TMEM53: variants seen among roughly 807,000 people sequenced by gnomAD.
TMEM53 encodes the protein transmembrane protein 53, also known as novel DUF829 domain-containing protein.
In TMEM53, 14 loss-of-function variants were observed where a neutral mutation model predicts 21.4. The ratio of observed to expected loss-of-function variants is 0.65; its 90% CI spans 0.43 to 1.02. The LOEUF (loss-of-function observed/expected upper bound fraction) is 1.02, where lower values mean the gene tolerates loss of function less well. TMEM53 is among the 50% of genes least tolerant of loss of function. The pLI, the probability that TMEM53 is intolerant of heterozygous loss-of-function variation, is 0.00. For synonymous variants in TMEM53, 148 were observed against 157.4 expected (o/e 0.94, Z 0.45); for missense variants, 323 against 383.6 (o/e 0.84, Z 1.32).
chr1:44,671,229 G>T (rs570287852), intron 1 of TMEM53, among the ~76,000 whole-genome samples: 1 of 152,342 alleles, frequency 6.6e-6, no homozygotes, highest in East Asian at 1.9e-4. Flanking sequence ...TGGGTCAAAC[G>T]ACCGGCTTTA....
intron 2 of TMEM53, among the ~76,000 whole-genome samples, chr1:44,658,026 G>C (rs952524195): frequency 6.6e-6 from 1 of 151,596 alleles, no homozygotes; most frequent in African/African-American, 2.4e-5. Flanking sequence ...CATGCCTTCT[G>C]CCCAAGTAGC....
rs375230170 is a variant in TMEM53 at position 44,674,428 on chromosome 1, G to A, written c.-37C>T. ...CGGCCCAGAGCACGGGTCTCCAGCC[G>A]GAACTCCCGCTTGCGCACCCGTGCC... On this transcript the variant is annotated 5_prime_UTR_variant, in exon 1 of 3. Coordinates refer to ENST00000372237, the MANE Select transcript of TMEM53 (RefSeq NM_024587.4). 2.8e-5 allele frequency: 45 copies of A among 1,589,292 alleles called. No homozygotes were observed. The highest frequency in any genetic ancestry group is 3.4e-4 in the Middle Eastern group (2 of 5,862).
At chr1:44,672,793 G>A (rs1645016554) in intron 1 of TMEM53, among the ~76,000 whole-genome samples, 1 of 151,754 alleles carries the variant, frequency 6.6e-6, no homozygotes, top group Non-Finnish European at 1.5e-5. Context: ...AGAAAGGGGG[G>A]CTGAGGGGGA....
chr1:44,665,516 A>G (rs1644941476), intron 1 of TMEM53, among the ~76,000 whole-genome samples: 1 of 151,996 alleles, frequency 6.6e-6, no homozygotes, highest in South Asian at 2.1e-4. Flanking sequence ...GGGGCCTGTA[A>G]TCCCAGCTAC....
intron 1 of TMEM53, among the ~76,000 whole-genome samples, chr1:44,667,209 T>A (rs924035316): frequency 6.6e-5 from 10 of 152,012 alleles, no homozygotes; most frequent in South Asian, 4.1e-4. Flanking sequence ...TTATTATTTT[T>A]AAAAATAATA....
chr1:44,674,433 TCCCGCTTGCGCA>T lies in TMEM53; in HGVS notation c.-54_-43del, dbSNP rs1013441903. 1 of 1,585,212 alleles carries T rather than the reference TCCCGCTTGCGCA, an allele frequency of 6.3e-7. No homozygotes were observed. The highest frequency in any genetic ancestry group is 8.6e-7 in the Non-Finnish European group (1 of 1,166,054). The stretch of plus-strand genomic sequence containing the variant: ...CAGAGCACGGGTCTCCAGCCGGAAC[TCCCGCTTGCGCA>T]CCCGTGCCTCACCCGGGCGCCTCCT... On this transcript the variant is annotated 5_prime_UTR_variant, in exon 1 of 3. Coordinates refer to ENST00000372237, the MANE Select transcript of TMEM53 (RefSeq NM_024587.4).
chr1:44,661,707 T>C (rs1644903908), intron 1 of TMEM53, among the ~76,000 whole-genome samples: 1 of 152,188 alleles, frequency 6.6e-6, no homozygotes, highest in African/African-American at 2.4e-5. Flanking sequence ...AAGGTACTTG[T>C]CTAAGCAAAG....
At chr1:44,669,388 AC>A (rs1200682316) in intron 1 of TMEM53, among the ~76,000 whole-genome samples, 4 of 152,082 alleles carry the variant, frequency 2.6e-5, no homozygotes, top group Non-Finnish European at 5.9e-5. Context: ...TTTAATGGAC[AC>A]CCCTTTCTTT....
At chr1:44,656,986 T>TG (rs1374043673) in intron 2 of TMEM53, among the ~76,000 whole-genome samples, 2 of 150,316 alleles carry the variant, frequency 1.3e-5, no homozygotes, top group African/African-American at 4.9e-5. Context: ...CACTCCAGCC[T>TG]GGGCGACAGA....
In TMEM53 at chr1:44,654,977, C is replaced by T. The variant is rs1444172872; in HGVS notation, c.416G>A (p.Gly139Asp). Residue 139 changes from glycine to aspartate, a missense_variant, in exon 3 of 3, where the codon GGC becomes GAC. Physicochemically the swap from Gly to Asp is moderately conservative, Grantham distance 94. Around this residue, in one of 3 missense-constraint regions of TMEM53, gnomAD observed 269 missense variants for 334.5 expected, o/e 0.80. Transcript: ENST00000372237. This position sits in a 1 kb window ranked among gnomAD's most constrained non-coding sequence, Gnocchi z 7.0. Reference protein sequence around the residue: ...TRRFCRLRVVGTIFDSAPGDS... With the variant: ...TRRFCRLRVVDTIFDSAPGDS... Reference sequence around the variant, plus strand: ...ACCAGGAGCGCTGTCAAAGATGGTGCCCACCACACGCAGGCGGCAGAAGCG... The same window carrying T: ...ACCAGGAGCGCTGTCAAAGATGGTGTCCACCACACGCAGGCGGCAGAAGCG... 6.2e-7 allele frequency: 1 copy of T among 1,613,716 alleles called. No individual in the cohort carries two copies. The highest frequency in any genetic ancestry group is 8.5e-7 in the Non-Finnish European group (1 of 1,179,844).
At chr1:44,667,234 G>A (rs1373783854) in intron 1 of TMEM53, among the ~76,000 whole-genome samples, 1 of 151,326 alleles carries the variant, frequency 6.6e-6, no homozygotes, top group Non-Finnish European at 1.5e-5. Context: ...TACATTAAGT[G>A]AAAACACAAG....
intron 1 of TMEM53, among the ~76,000 whole-genome samples, chr1:44,673,355 T>A (rs1257290401): frequency 6.6e-6 from 1 of 152,198 alleles, no homozygotes; most frequent in Non-Finnish European, 1.5e-5. Flanking sequence ...ATTAGAAAGA[T>A]CACTGTGGTA....
chr1:44,654,671 A>T lies in TMEM53; in HGVS notation c.722T>A (p.Leu241Gln). 6.2e-7 allele frequency: 1 copy of T among 1,614,176 alleles called. No homozygotes were observed. Among genetic ancestry groups the T allele is most frequent in the Non-Finnish European group, 8.5e-7 (1 of 1,180,024 alleles). The change falls in exon 3 of 3, where the codon CTG (leucine) becomes CAG (glutamine). Residue 241 changes from leucine (L) to glutamine (Q), a missense_variant. Coordinates refer to ENST00000372237, the MANE Select transcript of TMEM53 (RefSeq NM_024587.4). This position sits in a 1 kb window ranked among gnomAD's most constrained non-coding sequence, Gnocchi z 7.0. ...TGACACGAAATCCACAGAACGCGCCAGGACCCGGCGTGCCAGGCGTGCCTC... is the reference window on the plus strand; with the variant it reads ...TGACACGAAATCCACAGAACGCGCCTGGACCCGGCGTGCCAGGCGTGCCTC... ...MVEARLARRVLARSVDFVSSA... is the reference protein window; with the variant it reads ...MVEARLARRVQARSVDFVSSA...
rs1255070909 is a variant in TMEM53, at chr1:44,659,273, G to A, written c.183+901C>T. 2.0e-5 allele frequency among the ~76,000 whole-genome samples: 3 copies of A among 152,096 alleles called. No individual in the cohort carries two copies. In the South Asian group the frequency reaches 6.2e-4, roughly 32 times the overall value. ...GGCTCAGCTGGCCTTTCTCCCAGGT[G>A]CCCCCCCACTGCTCAGTCCAAGGCT... On this transcript the variant is annotated intron_variant, in intron 2 of 2. Coordinates refer to ENST00000372237, the MANE Select transcript of TMEM53 (RefSeq NM_024587.4).
At chr1:44,670,736 G>A (rs1644992604) in intron 1 of TMEM53, among the ~76,000 whole-genome samples, 1 of 152,224 alleles carries the variant, frequency 6.6e-6, no homozygotes, top group Non-Finnish European at 1.5e-5. Flanking sequence ...TCCCCTCTCT[G>A]TGATCCCCTT....
chr1:44,664,060 G>A (rs1378479567), intron 1 of TMEM53, among the ~76,000 whole-genome samples: 2 of 151,862 alleles, frequency 1.3e-5, no homozygotes, highest in South Asian at 2.1e-4. Context: ...GCTGAGGCAG[G>A]AGGATAGCTT....
rs938583435 is a variant in TMEM53 at position 44,653,860 on chromosome 1, A to T, written c.*699T>A. On this transcript the variant is annotated 3_prime_UTR_variant, in exon 3 of 3. Transcript: ENST00000372237. ...AACAGGCACAAAGTTTCAGTTATGC[A>T]AGATGATGAAGTTCTGAATTATGCA... The T allele has an allele frequency of 6.6e-6, 1 of 152,254 alleles. No homozygotes were observed. The highest frequency in any genetic ancestry group is 1.5e-5 in the Non-Finnish European group (1 of 68,048). 9.4% of individuals were successfully genotyped at this position (152,254 alleles called of 1,614,324 possible).
At chr1:44,656,596 C>A (rs1238441572) in intron 2 of TMEM53, among the ~76,000 whole-genome samples, 1 of 152,176 alleles carries the variant, frequency 6.6e-6, no homozygotes, top group Non-Finnish European at 1.5e-5. Flanking sequence ...TCCCTGGCAG[C>A]ATCTGGAATC....
At chr1:44,667,130 A>G (rs1018080879) in intron 1 of TMEM53, among the ~76,000 whole-genome samples, 1 of 152,014 alleles carries the variant, frequency 6.6e-6, no homozygotes, top group Admixed American at 6.6e-5. Flanking sequence ...GGCATGAGCC[A>G]CCGCGCCTGG....
Sources: allele counts gnomAD v4.1 joint callset (sites outside exome capture counted in the v4.1 genomes callset), GRCh38; gene constraint gnomAD v4.1.1; regional missense constraint gnomAD v4.1.1; non-coding constraint Gnocchi (gnomAD v3.1); transcripts MANE v1.5; gene names NCBI Gene and HGNC (gene_info 2026-07-23, HGNC 2026-07-21).